MAP2: variants seen among roughly 807,000 people sequenced by gnomAD.
The protein encoded by MAP2 is microtubule-associated protein 2.
MAP2 carries 14 observed loss-of-function variants against 137.6 expected under a neutral mutation model. The ratio of observed to expected loss-of-function variants is 0.10; its 90% CI spans 0.07 to 0.16. The LOEUF (loss-of-function observed/expected upper bound fraction) is 0.16, where lower values mean the gene tolerates loss of function less well. MAP2 is among the 10% of genes least tolerant of loss of function. MAP2 has a pLI of 1.00. For synonymous variants in MAP2, 786 were observed against 782.3 expected, an observed-to-expected ratio of 1.00 and a Z score of -0.08; for missense variants, 2,088 against 2,191.5, an observed-to-expected ratio of 0.95 and a Z score of 0.94.
At chr2:209,556,504 A>G (rs1399901892) in intron 2 of MAP2, among the ~76,000 whole-genome samples, 8 of 152,172 alleles carry the variant, frequency 5.3e-5, no homozygotes, top group Admixed American at 3.3e-4. Context: ...TGAACCTTGT[A>G]AAGTTCTTAG....
intron 13 of MAP2, among the ~76,000 whole-genome samples, chr2:209,712,742 G>GT (rs1436101991): frequency 2.0e-5 from 3 of 152,082 alleles, no homozygotes; most frequent in East Asian, 1.9e-4. Flanking sequence ...GTGAGGAGAG[G>GT]TTTTTTCCAT....
intron 2 of MAP2, among the ~76,000 whole-genome samples, chr2:209,555,043 T>C (rs907835881): frequency 4.6e-5 from 7 of 151,402 alleles, no homozygotes; most frequent in Non-Finnish European, 1.0e-4. Flanking sequence ...AATGGGCAAA[T>C]ATAATCATAA....
intron 1 of MAP2, among the ~76,000 whole-genome samples, chr2:209,460,771 CAG>C (rs1305997215): frequency 6.6e-6 from 1 of 151,800 alleles, no homozygotes; most frequent in Non-Finnish European, 1.5e-5. Flanking sequence ...TTTTTTGAGA[CAG>C]AGTCTCACTG....
chr2:209,611,094 T>C (rs1182886861), intron 3 of MAP2, among the ~76,000 whole-genome samples: 1 of 152,184 alleles, frequency 6.6e-6, no homozygotes, highest in Non-Finnish European at 1.5e-5. Context: ...TTTATACTAC[T>C]TAGAGAAGTT....
At chr2:209,478,203 A>C (rs1216655871) in intron 1 of MAP2, among the ~76,000 whole-genome samples, 1 of 152,118 alleles carries the variant, frequency 6.6e-6, no homozygotes, top group African/African-American at 2.4e-5. Context: ...AATGACATCA[A>C]TTTTAGTGGT....
In MAP2 at chr2:209,540,429, C is replaced by T. The variant is rs184714176; in HGVS notation, c.-172+32788C>T. ...CAGGCGGACCATGAGGTCAGAAGTTCGAGACTAGCCTGACCAACATGGTGA... is the reference window on the plus strand; with the variant it reads ...CAGGCGGACCATGAGGTCAGAAGTTTGAGACTAGCCTGACCAACATGGTGA... On this transcript the variant is annotated intron_variant, in intron 2 of 15. Transcript: ENST00000682079. 4.0e-4 allele frequency among the ~76,000 whole-genome samples: 61 copies of T among 151,182 alleles called. No individual in the cohort carries two copies. In the East Asian group the frequency reaches 0.01, roughly 25 times the overall value.
intron 11 of MAP2, among the ~76,000 whole-genome samples, chr2:209,703,746 C>T (rs534337537): frequency 5.3e-5 from 8 of 152,052 alleles, no homozygotes; most frequent in African/African-American, 1.7e-4. Flanking sequence ...CATATCTAAG[C>T]AATATTACTC....
chr2:209,631,005 C>CAAAAAAAAAAAAAAAAAAAAAAAA lies in MAP2; in HGVS notation c.-30+5883_-30+5906dup, dbSNP rs776266690. Among the ~76,000 whole-genome samples the CAAAAAAAAAAAAAAAAAAAAAAAA allele has an allele frequency of 3.6e-4, 15 of 42,138 alleles. 6 individuals are homozygous for CAAAAAAAAAAAAAAAAAAAAAAAA. Among genetic ancestry groups the CAAAAAAAAAAAAAAAAAAAAAAAA allele is most frequent in the Non-Finnish European group, 6.3e-4 (14 of 22,070 alleles). The allele number at this position is 42,138 out of a possible 152,430, so 27.6% of individuals were successfully genotyped here. A position where few individuals can be genotyped will look rare whatever the true frequency, so the allele number is the denominator to read the frequency against. On this transcript the variant is annotated intron_variant, in intron 4 of 15. Coordinates refer to ENST00000682079, the MANE Select transcript of MAP2 (RefSeq NM_001375505.1). Reference sequence around the variant, plus strand: ...TTTCAAGATTGAAGGGAGCTACAAGCAAAAAAAAAAAAAAAAAAAAAAAAA... The same window carrying CAAAAAAAAAAAAAAAAAAAAAAAA: ...TTTCAAGATTGAAGGGAGCTACAAGCAAAAAAAAAAAAAAAAAAAAAAAAAAAAAAAAAAAAAAAAAAAAAAAAA...
At chr2:209,589,989 A>G (rs2078809502) in intron 3 of MAP2, among the ~76,000 whole-genome samples, 1 of 152,142 alleles carries the variant, frequency 6.6e-6, no homozygotes, top group African/African-American at 2.4e-5. Flanking sequence ...AAAGAAAATG[A>G]TGACCTCAGG....
intron 2 of MAP2, among the ~76,000 whole-genome samples, chr2:209,552,442 A>G (rs1421284023): frequency 6.6e-6 from 1 of 152,204 alleles, no homozygotes; most frequent in African/African-American, 2.4e-5. Flanking sequence ...TAATAACATC[A>G]GGGCTTAGAA....
At position 209,728,362 on chromosome 2, in the gene MAP2, G is replaced by A. The variant is rs142732487; in HGVS notation, c.5156-1488G>A. Among the ~76,000 whole-genome samples the A allele has an allele frequency of 2.4e-3, 366 of 152,164 alleles. 2 individuals are homozygous for A. The highest frequency in any genetic ancestry group is 8.3e-3 in the African/African-American group (346 of 41,500). On this transcript the variant is annotated intron_variant, in intron 14 of 15. Coordinates refer to ENST00000682079, the MANE Select transcript of MAP2 (RefSeq NM_001375505.1). ...GTTCATCTCATCACAATCAATAAGT[G>A]AGACCCATATGGCCAGGTAAAATGT...
intron 14 of MAP2, among the ~76,000 whole-genome samples, chr2:209,728,393 G>T (rs2074864905): frequency 6.6e-6 from 1 of 152,054 alleles, no homozygotes; most frequent in Admixed American, 6.6e-5. Flanking sequence ...AATGTGGGAA[G>T]AATAACACTC....
At chr2:209,663,555 G>T (rs2044716047) in intron 5 of MAP2, among the ~76,000 whole-genome samples, 1 of 152,118 alleles carries the variant, frequency 6.6e-6, no homozygotes, top group African/African-American at 2.4e-5. Context: ...AACAATTTTT[G>T]CAAATGCTGG....
rs1366882371 is a variant in MAP2 at position 209,696,259 on chromosome 2, A to G, written c.4089A>G (p.Glu1363=). 1 of 1,611,912 alleles carries G rather than the reference A, an allele frequency of 6.2e-7. No individual in the cohort carries two copies. The highest frequency in any genetic ancestry group is 1.3e-5 in the African/African-American group (1 of 74,672). Reference sequence around the variant, plus strand: ...AGAGAGAAGAGGTTGCACTTTCTGAATATAAGACAGAAACCTATGACGATT... The same window carrying G: ...AGAGAGAAGAGGTTGCACTTTCTGAGTATAAGACAGAAACCTATGACGATT... ...SPEREEVALS[E]YKTETYDDYK... is the part of the protein sequence containing the mutation. Residue 1363 remains glutamate (E), a synonymous_variant, in exon 8 of 16, where the codon GAA becomes GAG. Coordinates refer to ENST00000682079, the MANE Select transcript of MAP2 (RefSeq NM_001375505.1).
chr2:209,581,763 A>G (rs750561790), intron 3 of MAP2, among the ~76,000 whole-genome samples: 4 of 152,176 alleles, frequency 2.6e-5, no homozygotes, highest in Non-Finnish European at 5.9e-5. Context: ...CTGCTAAAAA[A>G]TGACTCCAAT....
At chr2:209,525,080 C>T (rs1344852960) in intron 2 of MAP2, among the ~76,000 whole-genome samples, 1 of 152,006 alleles carries the variant, frequency 6.6e-6, no homozygotes, top group Non-Finnish European at 1.5e-5. Flanking sequence ...TACGTTCTAG[C>T]TTTTATCCAT....
chr2:209,623,728 A>G (rs759885193), intron 3 of MAP2, among the ~76,000 whole-genome samples: 2 of 152,170 alleles, frequency 1.3e-5, no homozygotes, highest in Non-Finnish European at 2.9e-5. Context: ...TATATATTCC[A>G]AATGTGAGAA....
chr2:209,692,911 A>C lies in MAP2; in HGVS notation c.741A>C (p.Val247=), dbSNP rs780581191. ...AGAAGACAGAACCAAGCCTTGTAGT[A>C]CCTGGCATTGACCTCCCTAAAGAGC... ...MKQKTEPSLV[V]PGIDLPKEPP... is the part of the protein sequence containing the mutation. Residue 247 remains valine (V), a synonymous_variant, in exon 8 of 16, where the codon GTA becomes GTC. Coordinates refer to ENST00000682079, the MANE Select transcript of MAP2 (RefSeq NM_001375505.1). 15 of 1,614,124 alleles carry C rather than the reference A, an allele frequency of 9.3e-6. No individual in the cohort carries two copies. Among genetic ancestry groups the C allele is most frequent in the Non-Finnish European group, 1.2e-5 (14 of 1,179,982 alleles).
rs6749066 is a variant in MAP2 at position 209,692,706 on chromosome 2, A to G, written c.536A>G (p.Glu179Gly). The G allele has an allele frequency of 2.4e-3, 3,848 of 1,613,746 alleles. 86 individuals carry two copies. The African/African-American group carries it at 0.046, about 19-fold the overall frequency. ...ACAGCTGAGCCTTCAGACCAGAAGG[A>G]AAAGGAGTCAGAGAAGCAAAGTAAG... ...PSTAEPSDQK[E>G]KESEKQSKPG... is the part of the protein sequence containing the mutation. Residue 179 changes from glutamate (E) to glycine (G), a missense_variant, in exon 8 of 16, where the codon GAA becomes GGA. Physicochemically the swap from Glu to Gly is moderately conservative, Grantham distance 98. Around this residue, in one of 6 missense-constraint regions of MAP2, gnomAD observed 859 missense variants for 794.5 expected, o/e 1.08. Coordinates refer to ENST00000682079, the MANE Select transcript of MAP2 (RefSeq NM_001375505.1).
Sources: allele counts gnomAD v4.1 joint callset (sites outside exome capture counted in the v4.1 genomes callset), GRCh38; gene constraint gnomAD v4.1.1; regional missense constraint gnomAD v4.1.1; transcripts MANE v1.5; gene names NCBI Gene and HGNC (gene_info 2026-07-23, HGNC 2026-07-21).